The following PIK3C2G variants were observed in gnomAD, a reference collection of about 807,000 sequenced individuals.
PIK3C2G encodes phosphatidylinositol-4-phosphate 3-kinase catalytic subunit type 2 gamma, also known as phosphatidylinositol 3-kinase C2 domain-containing subunit gamma.
PIK3C2G carries 168 observed loss-of-function variants against 181.1 expected under a neutral mutation model. That is an observed-to-expected ratio of 0.93 (90% CI 0.82 to 1.05). The LOEUF is 1.05. PIK3C2G is among the 50% of genes least tolerant of loss of function. The pLI, the probability that PIK3C2G is intolerant of heterozygous loss-of-function variation, is 0.00. For missense variants in PIK3C2G, 1,869 were observed against 1,732.8 expected (o/e 1.08, Z -1.40); for synonymous variants, 573 against 592.2 (o/e 0.97, Z 0.47).
chr12:18,686,963 A>T, the PIK3C2G span, among the ~76,000 whole-genome samples: 1 of 152,046 alleles, frequency 6.6e-6, no homozygotes, highest in African/African-American at 2.4e-5. Context: ...GAATAAATTA[A>T]GTTTCTAAGC....
chr12:18,357,539 C>T (rs974939050), intron 11 of PIK3C2G, among the ~76,000 whole-genome samples: 7 of 152,158 alleles, frequency 4.6e-5, no homozygotes, highest in Non-Finnish European at 7.4e-5. Context: ...GGCTCCAATG[C>T]TGAATTTCAC....
intron 24 of PIK3C2G, among the ~76,000 whole-genome samples, chr12:18,521,599 G>A (rs964957644): frequency 1.2e-4 from 18 of 152,196 alleles, no homozygotes; most frequent in African/African-American, 4.3e-4. Flanking sequence ...CAGCCTCCTT[G>A]GCTCCAGCCA....
intron 30 of PIK3C2G, among the ~76,000 whole-genome samples, chr12:18,605,832 G>A (rs575248792): frequency 2.2e-4 from 33 of 152,048 alleles, no homozygotes; most frequent in African/African-American, 8.0e-4. Context: ...TCTACAGCAT[G>A]GTGCTTATAA....
At chr12:18,410,982 C>G (rs551868659) in intron 16 of PIK3C2G, among the ~76,000 whole-genome samples, 23 of 152,166 alleles carry the variant, frequency 1.5e-4, no homozygotes, top group African/African-American at 5.3e-4. Flanking sequence ...AGTTAATTCC[C>G]AATTTCTATA....
chr12:18,686,674 C>G, the PIK3C2G span, among the ~76,000 whole-genome samples: 1 of 152,036 alleles, frequency 6.6e-6, no homozygotes, highest in Non-Finnish European at 1.5e-5. Flanking sequence ...TCTTTGTACT[C>G]TTCTTGAAGC....
intron 5 of PIK3C2G, among the ~76,000 whole-genome samples, chr12:18,310,806 A>G (rs1677686375): frequency 6.6e-6 from 1 of 152,002 alleles, no homozygotes; most frequent in Admixed American, 6.6e-5. Flanking sequence ...CAAAAATAAT[A>G]TAGCAGAAGG....
At chr12:18,556,061 A>G (rs890151051) in intron 26 of PIK3C2G, among the ~76,000 whole-genome samples, 4 of 152,166 alleles carry the variant, frequency 2.6e-5, no homozygotes, top group African/African-American at 9.7e-5. Context: ...TTTACCTCCC[A>G]GCACATAGAA....
chr12:18,508,759 AG>A (rs1441921736), intron 24 of PIK3C2G, among the ~76,000 whole-genome samples: 7 of 152,146 alleles, frequency 4.6e-5, no homozygotes, highest in Admixed American at 4.6e-4. Context: ...GACATAAATG[AG>A]TTTAATAACA....
chr12:18,651,639 A>G (rs1950524812), downstream of PIK3C2G, among the ~76,000 whole-genome samples: 1 of 152,116 alleles, frequency 6.6e-6, no homozygotes, highest in African/African-American at 2.4e-5. Flanking sequence ...ACCACAGTCT[A>G]GGTACCTAAG....
Position 18,570,613 on chromosome 12 carries a change from A to T in PIK3C2G, c.4011+3556A>T, listed in dbSNP as rs544372788. ...CAAAGCCTTTATTGCAGTATAGGGC[A>T]TTATCCAAGCAGGTTTCCCACAGGG... On this transcript the variant is annotated intron_variant, in intron 29 of 32. Coordinates refer to ENST00000538779, the MANE Select transcript of PIK3C2G (RefSeq NM_001288772.2). Among the ~76,000 whole-genome samples, 3 of 150,486 alleles carry T rather than the reference A, an allele frequency of 2.0e-5. No individual in the cohort carries two copies. In the South Asian group the frequency reaches 6.2e-4, roughly 31 times the overall value.
At chr12:18,650,345 A>ATGTG (rs1321986932), downstream of PIK3C2G, among the ~76,000 whole-genome samples, 22 of 127,730 alleles carry the variant, frequency 1.7e-4, no homozygotes, top group African/African-American at 7.2e-4. Context: ...ATATATATAT[A>ATGTG]TATGTGTGTG....
At chr12:18,412,157 C>CT (rs1944902160) in intron 16 of PIK3C2G, among the ~76,000 whole-genome samples, 1 of 152,102 alleles carries the variant, frequency 6.6e-6, no homozygotes, top group African/African-American at 2.4e-5. Flanking sequence ...ATTCCCAAGT[C>CT]TGAATGTTGG....
At chr12:18,479,207 A>G (rs1939315521) in intron 18 of PIK3C2G, among the ~76,000 whole-genome samples, 1 of 152,034 alleles carries the variant, frequency 6.6e-6, no homozygotes, top group Non-Finnish European at 1.5e-5. Flanking sequence ...CAACCTGGAG[A>G]ACATGAGACT....
chr12:18,608,380 A>G (rs1370876629), intron 30 of PIK3C2G, among the ~76,000 whole-genome samples: 4 of 152,264 alleles, frequency 2.6e-5, no homozygotes, highest in Admixed American at 2.0e-4. Context: ...TGCAGCCATA[A>G]AAAATGATGA....
chr12:18,261,804 T>C (rs1406749180), intron 1 of PIK3C2G, among the ~76,000 whole-genome samples: 1 of 152,068 alleles, frequency 6.6e-6, no homozygotes, highest in Non-Finnish European at 1.5e-5. Flanking sequence ...CTGAATAAAC[T>C]TATTCTTTCT....
At chr12:18,521,664 G>A (rs2136183845) in intron 24 of PIK3C2G, among the ~76,000 whole-genome samples, 1 of 152,338 alleles carries the variant, frequency 6.6e-6, no homozygotes, top group Middle Eastern at 3.4e-3. Flanking sequence ...AGAGATGGCT[G>A]CCGCCCATCC....
chr12:18,549,421 A>G (rs1051540078), intron 26 of PIK3C2G, among the ~76,000 whole-genome samples: 4 of 152,094 alleles, frequency 2.6e-5, no homozygotes, highest in African/African-American at 9.6e-5. Flanking sequence ...TTGTGTGTCA[A>G]GCCCTGTTCT....
chr12:18,496,415 T>C (rs557016168), intron 21 of PIK3C2G, among the ~76,000 whole-genome samples: 3 of 152,196 alleles, frequency 2.0e-5, no homozygotes, highest in Non-Finnish European at 2.9e-5. Context: ...TGAAGTGATA[T>C]GATTGCTTTT....
chr12:18,279,138 T>C (rs775238697), intron 1 of PIK3C2G, among the ~76,000 whole-genome samples: 6 of 152,106 alleles, frequency 3.9e-5, no homozygotes, highest in Non-Finnish European at 8.8e-5. Context: ...CATGTTATAC[T>C]AGTATGTCAT....
Sources: allele counts gnomAD v4.1 joint callset (sites outside exome capture counted in the v4.1 genomes callset), GRCh38; gene constraint gnomAD v4.1.1; transcripts MANE v1.5; gene names NCBI Gene and HGNC (gene_info 2026-07-23, HGNC 2026-07-21).